Variants in AP4S1 observed in about 807,000 individuals in gnomAD.
AP4S1 encodes the protein AP-4 complex subunit sigma-1.
AP4S1 carries 23 observed loss-of-function variants against 19.8 expected under a neutral mutation model. The observed-to-expected ratio is 1.16, with a 90% CI of 0.84 to 1.65. AP4S1 has a LOEUF of 1.65. Ranked by LOEUF, AP4S1 falls within the 40% of genes most tolerant of loss-of-function variation. The probability of loss-of-function intolerance (pLI) is 0.00; values close to 1 mark genes in which losing one functional copy is unlikely to be tolerated. For synonymous variants in AP4S1, 46 were observed against 54.1 expected (o/e 0.85, Z 0.66); for missense variants, 166 against 172.8 (o/e 0.96, Z 0.22).
chr14:31,043,587 T>C (rs1358157422), intron 1 of AP4S1, among the ~76,000 whole-genome samples: 1 of 152,188 alleles, frequency 6.6e-6, no homozygotes, highest in African/African-American at 2.4e-5. Context: ...ATTTTCCTTA[T>C]CTCATTTAGC....
rs146468178 is a variant in AP4S1 at position 31,087,601 on chromosome 14, C to T, written c.307-5306C>T. On this transcript the variant is annotated intron_variant, in intron 5 of 5. Transcript: ENST00000542754. ...ATCCCCTGACCTCAAGTGATCTGTC[C>T]ACCTTGGCCTCCCAAAGTGTTGGGA... 6.6e-5 allele frequency among the ~76,000 whole-genome samples: 10 copies of T among 152,124 alleles called. No individual in the cohort carries two copies. In the East Asian group the frequency reaches 1.9e-3, roughly 29 times the overall value.
At chr14:31,043,046 C>G (rs543173740) in intron 1 of AP4S1, among the ~76,000 whole-genome samples, 1 of 151,960 alleles carries the variant, frequency 6.6e-6, no homozygotes, top group African/African-American at 2.4e-5. Flanking sequence ...CATGGTGAAA[C>G]CCTGTCTCTA....
chr14:31,090,011 C>A (rs1888033757), intron 5 of AP4S1, among the ~76,000 whole-genome samples: 1 of 152,194 alleles, frequency 6.6e-6, no homozygotes, highest in South Asian at 2.1e-4. Context: ...TATTCTGAGA[C>A]AGAGTCTTAC....
At chr14:31,061,507 GC>G (rs1156432973) in intron 1 of AP4S1, among the ~76,000 whole-genome samples, 1 of 152,166 alleles carries the variant, frequency 6.6e-6, no homozygotes, top group Non-Finnish European at 1.5e-5. Context: ...ATCGCTAGCT[GC>G]AAATGCTTAC....
At chr14:31,087,049 C>T (rs1302007498) in intron 5 of AP4S1, among the ~76,000 whole-genome samples, 2 of 152,104 alleles carry the variant, frequency 1.3e-5, no homozygotes, top group East Asian at 1.9e-4. Flanking sequence ...TGCACCACCA[C>T]ACCCAGCTGG....
intron 1 of AP4S1, among the ~76,000 whole-genome samples, chr14:31,043,478 T>G (rs1885225356): frequency 6.6e-6 from 1 of 152,110 alleles, no homozygotes; most frequent in South Asian, 2.1e-4. Context: ...CAAATTTCAG[T>G]AATCTTAGGA....
chr14:31,085,260 C>T (rs1452053776), intron 5 of AP4S1: 2 of 1,022,780 alleles, frequency 2.0e-6, no homozygotes, highest in African/African-American at 3.4e-5. Flanking sequence ...CAGAACCTGC[C>T]ACCATGGCCT....
rs551524306 is a variant in AP4S1 at position 31,025,830 on chromosome 14, T to G, written c.-72+43T>G. 90 of 1,537,238 alleles carry G rather than the reference T, an allele frequency of 5.9e-5. 1 individual carries two copies. The South Asian group carries it at 6.6e-4, about 11-fold the overall frequency. On this transcript the variant is annotated intron_variant, in intron 1 of 5. Transcript: ENST00000542754. ...TCCCAAGGCGCCGGCTCCGGCTGAG[T>G]GGAGTCCCCAGCCCCACCCCCCGGC...
intron 5 of AP4S1, chr14:31,085,351 C>T (rs779370263): frequency 1.2e-5 from 12 of 992,482 alleles, no homozygotes; most frequent in Non-Finnish European, 1.4e-5. Flanking sequence ...GGATGTCCCA[C>T]CTACGTGCCT....
intron 1 of AP4S1, chr14:31,026,325 C>G (rs1200581144): frequency 6.1e-6 from 5 of 819,786 alleles, no homozygotes; most frequent in Middle Eastern, 4.4e-4. Flanking sequence ...GTGTGCCTGC[C>G]GTGGGTCAGA....
chr14:31,084,076 T>G (rs1428574686), intron 5 of AP4S1, among the ~76,000 whole-genome samples: 1 of 152,182 alleles, frequency 6.6e-6, no homozygotes, highest in Non-Finnish European at 1.5e-5. Context: ...CCCTTAGGCC[T>G]TAAAAGGTTG....
At chr14:31,085,581 C>G (rs1887885492) in intron 5 of AP4S1, 2 of 931,162 alleles carry the variant, frequency 2.1e-6, no homozygotes, top group Non-Finnish European at 2.6e-6. Context: ...TGAGACCAGC[C>G]TGGGCAACAT....
chr14:31,089,713 T>C (rs554078281), intron 5 of AP4S1, among the ~76,000 whole-genome samples: 3 of 152,296 alleles, frequency 2.0e-5, no homozygotes, highest in Non-Finnish European at 2.9e-5. Flanking sequence ...TCAGGAGTTA[T>C]AGAGACCAGC....
Position 31,077,122 on chromosome 14 carries a change from G to T in AP4S1, c.295-3451G>T, listed in dbSNP as rs996488592. Reference sequence around the variant, plus strand: ...TTTTTGTATTATTAGTAGAGACAGGGTTTCTACTTTTTCCATGTTGGTCAG... The same window carrying T: ...TTTTTGTATTATTAGTAGAGACAGGTTTTCTACTTTTTCCATGTTGGTCAG... On this transcript the variant is annotated intron_variant, in intron 4 of 5. Coordinates refer to ENST00000542754, the MANE Select transcript of AP4S1 (RefSeq NM_001128126.3). Among the ~76,000 whole-genome samples, 9 of 152,072 alleles carry T rather than the reference G, an allele frequency of 5.9e-5. 1 individual carries two copies. The highest frequency in any genetic ancestry group is 1.3e-4 in the Admixed American group (2 of 15,292).
intron 1 of AP4S1, among the ~76,000 whole-genome samples, chr14:31,036,979 A>ATTTTTTTTTTTTTTTTTTTTTTTTT (rs1362672113): frequency 2.0e-5 from 3 of 151,742 alleles, no homozygotes; most frequent in African/African-American, 7.3e-5. Context: ...TGCCCGGCTA[A>ATTTTTTTTTTTTTTTTTTTTTTTTT]TTTTTTGTAT....
intron 1 of AP4S1, among the ~76,000 whole-genome samples, chr14:31,059,294 T>G (rs1480660002): frequency 1.3e-5 from 2 of 152,224 alleles, no homozygotes; most frequent in Admixed American, 1.3e-4. Context: ...CAATTCAACA[T>G]GTCCTTATTT....
intron 1 of AP4S1, chr14:31,026,763 GTC>G (rs1304138896): frequency 6.6e-6 from 1 of 152,312 alleles, no homozygotes; most frequent in East Asian, 1.9e-4. Context: ...CTTCCCAGGG[GTC>G]TCTCACCCGT....
intron 1 of AP4S1, among the ~76,000 whole-genome samples, chr14:31,029,377 A>C (rs1466963193): frequency 6.6e-6 from 1 of 152,252 alleles, no homozygotes; most frequent in Non-Finnish European, 1.5e-5. Flanking sequence ...ATCTAGATCC[A>C]TCCTACAGTC....
At chr14:31,048,886 C>T (rs1159555010) in intron 1 of AP4S1, among the ~76,000 whole-genome samples, 2 of 152,152 alleles carry the variant, frequency 1.3e-5, no homozygotes, top group Non-Finnish European at 2.9e-5. Flanking sequence ...AGATCCATGA[C>T]CAAATGAAAG....
Sources: allele counts gnomAD v4.1 joint callset (sites outside exome capture counted in the v4.1 genomes callset), GRCh38; gene constraint gnomAD v4.1.1; transcripts MANE v1.5; gene names NCBI Gene and HGNC (gene_info 2026-07-23, HGNC 2026-07-21).